Variants in METAP1D observed in about 807,000 individuals in gnomAD.
METAP1D encodes the protein methionyl aminopeptidase type 1D, mitochondrial.
METAP1D carries 31 observed loss-of-function variants against 40.5 expected under a neutral mutation model. The observed-to-expected ratio is 0.77, with a 90% CI of 0.58 to 1.03. The LOEUF is 1.03. METAP1D is among the 50% of genes least tolerant of loss of function. METAP1D has a pLI of 0.00. For missense variants in METAP1D, 411 were observed against 420.7 expected, an observed-to-expected ratio of 0.98 and a Z score of 0.20; for synonymous variants, 151 against 146.4, an observed-to-expected ratio of 1.03 and a Z score of -0.22.
intron 1 of METAP1D, among the ~76,000 whole-genome samples, chr2:172,056,169 T>C (rs1419353205): frequency 1.3e-5 from 2 of 152,202 alleles, no homozygotes; most frequent in Non-Finnish European, 2.9e-5. Context: ...TCCCATTTCC[T>C]GGGATGTAGC....
In METAP1D at chr2:172,069,875, AAT is replaced by A. The variant is rs1428953290; in HGVS notation, c.541-1029_541-1028del. Among the ~76,000 whole-genome samples, 6 of 152,348 alleles carry A rather than the reference AAT, an allele frequency of 3.9e-5. No homozygotes were observed. The East Asian group carries it at 1.2e-3, about 29-fold the overall frequency. On this transcript the variant is annotated intron_variant, in intron 5 of 9. Transcript: ENST00000315796. ...AAGACCTTTCTTGCTTCCTTCACAG[AAT>A]ATGAGAGCATTTTTTAAGAAATGCA...
chr2:172,023,081 A>G (rs1302221024), intron 1 of METAP1D, among the ~76,000 whole-genome samples: 1 of 152,148 alleles, frequency 6.6e-6, no homozygotes, highest in African/African-American at 2.4e-5. Context: ...CCAGCTACTC[A>G]GGAGGCTGAG....
chr2:172,045,706 T>G (rs1689725775), intron 1 of METAP1D, among the ~76,000 whole-genome samples: 2 of 84,870 alleles, frequency 2.4e-5, no homozygotes, highest in Non-Finnish European at 5.6e-5. Context: ...TATATGTGTG[T>G]GTGTGTGTGT....
intron 1 of METAP1D, among the ~76,000 whole-genome samples, chr2:172,011,371 G>A (rs886084068): frequency 9.4e-5 from 14 of 148,764 alleles, no homozygotes; most frequent in Non-Finnish European, 8.9e-5. Flanking sequence ...TGCAAGCTCC[G>A]CATCCCAGGT....
intron 6 of METAP1D, among the ~76,000 whole-genome samples, chr2:172,073,675 A>G (rs987603422): frequency 1.3e-5 from 2 of 152,226 alleles, no homozygotes; most frequent in African/African-American, 2.4e-5. Flanking sequence ...GTGTTAAAGC[A>G]GTGTTTCTGG....
At chr2:172,034,350 C>G (rs932578450) in intron 1 of METAP1D, among the ~76,000 whole-genome samples, 10 of 151,962 alleles carry the variant, frequency 6.6e-5, no homozygotes, top group Admixed American at 5.9e-4. Context: ...CCAGATTTGC[C>G]ACTTGTAAAT....
intron 1 of METAP1D, among the ~76,000 whole-genome samples, chr2:172,019,329 A>T (rs956413179): frequency 6.6e-6 from 1 of 151,594 alleles, no homozygotes; most frequent in Non-Finnish European, 1.5e-5. Flanking sequence ...GAATTCAGAG[A>T]CTACACAGAG....
intron 8 of METAP1D, among the ~76,000 whole-genome samples, chr2:172,079,825 T>A (rs1164342052): frequency 2.0e-5 from 3 of 152,198 alleles, no homozygotes; most frequent in Non-Finnish European, 4.4e-5. Flanking sequence ...GGTGTTTGGG[T>A]GGTTATTATC....
At chr2:172,069,191 G>A (rs748933029) in intron 5 of METAP1D, among the ~76,000 whole-genome samples, 3 of 152,144 alleles carry the variant, frequency 2.0e-5, no homozygotes, top group Non-Finnish European at 2.9e-5. Context: ...GATTGCAGGC[G>A]TGAGCTACTG....
In METAP1D at chr2:172,000,026, G is replaced by C. The variant is rs1688420350; in HGVS notation, c.40+17G>C. The C allele has an allele frequency of 1.5e-6, 2 of 1,309,758 alleles. No individual in the cohort carries two copies. Among genetic ancestry groups the C allele is most frequent in the Middle Eastern group, 2.0e-4 (1 of 4,908 alleles). The allele number at this position is 1,309,758 out of a possible 1,614,324, so 81.1% of individuals were successfully genotyped here. ...TCCGCAGAGGTAAGCGCGTGGAGGA[G>C]AGCCCCGTGAGGGTTCGCACGGTTG... On this transcript the variant is annotated intron_variant, in intron 1 of 9. Transcript: ENST00000315796.
chr2:172,056,147 G>T (rs1409607743), intron 1 of METAP1D, among the ~76,000 whole-genome samples: 1 of 152,130 alleles, frequency 6.6e-6, no homozygotes, highest in Non-Finnish European at 1.5e-5. Flanking sequence ...AAATTGATCA[G>T]AGGCTACATC....
chr2:172,047,698 G>C (rs1689793554), intron 1 of METAP1D, among the ~76,000 whole-genome samples: 1 of 152,222 alleles, frequency 6.6e-6, no homozygotes, highest in South Asian at 2.1e-4. Context: ...GCCTCCCAAA[G>C]TGCTCAGATT....
intron 1 of METAP1D, among the ~76,000 whole-genome samples, chr2:172,025,724 T>A (rs980179819): frequency 6.6e-6 from 1 of 152,076 alleles, no homozygotes; most frequent in African/African-American, 2.4e-5. Context: ...GATTTTTTTT[T>A]AAGAGTCTGG....
chr2:172,040,489 T>A (rs1689492312), intron 1 of METAP1D, among the ~76,000 whole-genome samples: 1 of 152,162 alleles, frequency 6.6e-6, no homozygotes, highest in African/African-American at 2.4e-5. Context: ...GGAGAGCATT[T>A]GCCCCAAGGG....
rs1177012150 is a variant in METAP1D at position 172,071,230 on chromosome 2, G to GA, written c.704+172dup. Among the ~76,000 whole-genome samples, 160 of 138,000 alleles carry GA rather than the reference G, an allele frequency of 1.2e-3. 2 individuals are homozygous for GA. The East Asian group carries it at 0.012, about 10-fold the overall frequency. The allele number at this position is 138,000 out of a possible 152,430, so 90.5% of individuals were successfully genotyped here. A position where few individuals can be genotyped will look rare whatever the true frequency, so the allele number is the denominator to read the frequency against. ...AGGCTGCAATATTGTTCCCTGAGTT[G>GA]AAAAAAAAAAAAGATTTTATAAAAA... On this transcript the variant is annotated intron_variant, in intron 6 of 9. Transcript: ENST00000315796.
intron 1 of METAP1D, among the ~76,000 whole-genome samples, chr2:172,015,540 G>T (rs929125999): frequency 6.6e-5 from 10 of 152,174 alleles, no homozygotes; most frequent in South Asian, 2.1e-4. Context: ...ATAGAGAAAT[G>T]ATTCAGTAAA....
At chr2:172,037,187 G>A (rs1348694259) in intron 1 of METAP1D, among the ~76,000 whole-genome samples, 5 of 152,104 alleles carry the variant, frequency 3.3e-5, no homozygotes, top group Admixed American at 6.6e-5. Flanking sequence ...GCTTGAACCC[G>A]GGAGGCGGAG....
rs1032960491 is a variant in METAP1D, at chr2:172,081,084, C to T, written c.*678C>T. On this transcript the variant is annotated 3_prime_UTR_variant, in exon 10 of 10. Transcript: ENST00000315796. ...GGTTTCTGTCAATCCAGAAACGCGA[C>T]TTTCCTGGACCCCTGCGGCTCTTCC... 1 of 153,538 alleles carries T rather than the reference C, an allele frequency of 6.5e-6. No individual in the cohort carries two copies. Among genetic ancestry groups the T allele is most frequent in the African/African-American group, 2.4e-5 (1 of 41,470 alleles). The allele number at this position is 153,538 out of a possible 1,614,324, so 9.5% of individuals were successfully genotyped here.
At chr2:172,042,964 TGC>T (rs1689638113) in intron 1 of METAP1D, among the ~76,000 whole-genome samples, 2 of 128,348 alleles carry the variant, frequency 1.6e-5, no homozygotes, top group South Asian at 4.9e-4. Flanking sequence ...TGTATATATA[TGC>T]GTACATGTGC....
Sources: gnomAD v4.1 joint callset for allele counts (sites outside exome capture counted in the v4.1 genomes callset) on GRCh38, gnomAD v4.1.1 for gene constraint, MANE v1.5 for transcripts, NCBI Gene and HGNC (gene_info 2026-07-23, HGNC 2026-07-21) for gene names.